The following SORCS2 variants were observed in gnomAD, a reference collection of about 807,000 sequenced individuals.
The protein encoded by SORCS2 is sortilin related VPS10 domain containing receptor 2.
A neutral mutation model predicts 141.6 loss-of-function variants in SORCS2; 100 were observed. The observed-to-expected ratio is 0.71, with a 90% CI of 0.60 to 0.83. The LOEUF (loss-of-function observed/expected upper bound fraction) is 0.83. SORCS2 is among the 40% of genes least tolerant of loss of function. The pLI is 0.00. For missense variants in SORCS2, 1,646 were observed against 1,560.2 expected, an observed-to-expected ratio of 1.05 and a Z score of -0.93; for synonymous variants, 789 against 676.9, an observed-to-expected ratio of 1.17 and a Z score of -2.57.
chr4:7,304,491 A>G, intron 1 of SORCS2, among the ~76,000 whole-genome samples: 1 of 152,220 alleles, frequency 6.6e-6, no homozygotes, highest in East Asian at 1.9e-4. Context: ...CCTCCCGTCC[A>G]TCCAGTGTGT....
rs1382499227 is a variant in SORCS2, at chr4:7,455,262, A to G, written c.548+58907A>G. ...GTCAGGCGCTGTGTTGGGGTCAGGC[A>G]CTGTGTGTTGGGGTCAGGTGCTGTG... On this transcript the variant is annotated intron_variant, in intron 2 of 26. Transcript: ENST00000507866. 8.6e-4 allele frequency among the ~76,000 whole-genome samples: 16 copies of G among 18,644 alleles called. 1 individual carries two copies. Among genetic ancestry groups the G allele is most frequent in the Middle Eastern group, 0.026 (1 of 38 alleles). 12.2% of individuals were successfully genotyped at this position (18,644 alleles called of 152,430 possible). A position where few individuals can be genotyped will look rare whatever the true frequency, so the allele number is the denominator to read the frequency against.
intron 3 of SORCS2, among the ~76,000 whole-genome samples, chr4:7,589,947 T>A (rs1716803461): frequency 6.6e-6 from 1 of 152,148 alleles, no homozygotes; most frequent in African/African-American, 2.4e-5. Flanking sequence ...GAGCTTTCCA[T>A]GTGACTGCCT....
intron 2 of SORCS2, among the ~76,000 whole-genome samples, chr4:7,474,901 C>T (rs1488146219): frequency 1.3e-5 from 2 of 152,200 alleles, no homozygotes; most frequent in South Asian, 4.1e-4. Context: ...TGTCCCACCT[C>T]CTGGTGGCCC....
At chr4:7,229,052 G>A (rs1467161034) in intron 1 of SORCS2, among the ~76,000 whole-genome samples, 2 of 152,194 alleles carry the variant, frequency 1.3e-5, no homozygotes, top group African/African-American at 4.8e-5. Flanking sequence ...AGGGGTCCCC[G>A]TGCACCCAGG....
chr4:7,650,141 T>C (rs1337801146), intron 4 of SORCS2, among the ~76,000 whole-genome samples: 4 of 152,166 alleles, frequency 2.6e-5, no homozygotes, highest in Non-Finnish European at 5.9e-5. Flanking sequence ...AGAAGTGCAT[T>C]CAAACCACAG....
intron 1 of SORCS2, among the ~76,000 whole-genome samples, chr4:7,278,719 A>C (rs972352917): frequency 2.6e-5 from 4 of 152,244 alleles, no homozygotes; most frequent in African/African-American, 7.2e-5. Context: ...GACATCCAGC[A>C]CAGAGAGCAG....
chr4:7,583,198 C>G (rs988554120), intron 3 of SORCS2, among the ~76,000 whole-genome samples: 5 of 152,142 alleles, frequency 3.3e-5, no homozygotes, highest in Non-Finnish European at 7.3e-5. Context: ...ATTTCAGGTG[C>G]CTTCTAGTGC....
chr4:7,727,434 C>G lies in SORCS2; in HGVS notation c.2869+531C>G, dbSNP rs972524135. 3.5e-4 allele frequency among the ~76,000 whole-genome samples: 53 copies of G among 152,212 alleles called. 1 individual carries two copies. The highest frequency in any genetic ancestry group is 2.5e-4 in the Non-Finnish European group (17 of 67,986). The stretch of plus-strand genomic sequence containing the variant: ...GTCCTAAGACTGAAGGAGACCCCCC[C>G]CCCCCTTGTCAAGGAGGCAGAGCTC... On this transcript the variant is annotated intron_variant, in intron 21 of 26. Transcript: ENST00000507866.
At chr4:7,632,294 C>A (rs1719943098) in intron 3 of SORCS2, among the ~76,000 whole-genome samples, 1 of 152,302 alleles carries the variant, frequency 6.6e-6, no homozygotes, top group African/African-American at 2.4e-5. Flanking sequence ...TTTCAAAAAA[C>A]CAGCCTCCTG....
chr4:7,653,734 C>T (rs1320723141), intron 4 of SORCS2, among the ~76,000 whole-genome samples: 1 of 152,198 alleles, frequency 6.6e-6, no homozygotes. Context: ...CTGCTCGAGG[C>T]CACTGCTGTG....
At chr4:7,355,932 G>C (rs972125983) in intron 1 of SORCS2, among the ~76,000 whole-genome samples, 2 of 152,222 alleles carry the variant, frequency 1.3e-5, no homozygotes, top group Non-Finnish European at 2.9e-5. Context: ...CTGGGATCCT[G>C]CAATGCTCCA....
At chr4:7,681,006 G>C (rs1208691716) in intron 9 of SORCS2, among the ~76,000 whole-genome samples, 2 of 152,254 alleles carry the variant, frequency 1.3e-5, no homozygotes, top group Non-Finnish European at 2.9e-5. Flanking sequence ...AGATGACTCA[G>C]ATGATAAGGT....
chr4:7,315,966 CATCT>C (rs1718522146), intron 1 of SORCS2, among the ~76,000 whole-genome samples: 1 of 152,140 alleles, frequency 6.6e-6, no homozygotes, highest in Non-Finnish European at 1.5e-5. Flanking sequence ...TCCATCTACC[CATCT>C]ATTTATCCAT....
intron 1 of SORCS2, among the ~76,000 whole-genome samples, chr4:7,299,130 A>G (rs920027515): frequency 2.6e-5 from 4 of 152,208 alleles, no homozygotes; most frequent in African/African-American, 7.2e-5. Context: ...AGTAGGAGGA[A>G]TTAGCGTGAG....
rs544752997 is a variant in SORCS2 at position 7,485,359 on chromosome 4, C to T, written c.549-46171C>T. Reference sequence around the variant, plus strand: ...GCCCCTGGGCCATCCCAGCCAAGGCCCCGGAGTTGCCTCCACAACTATCCC... The same window carrying T: ...GCCCCTGGGCCATCCCAGCCAAGGCTCCGGAGTTGCCTCCACAACTATCCC... On this transcript the variant is annotated intron_variant, in intron 2 of 26. Coordinates refer to ENST00000507866, the MANE Select transcript of SORCS2 (RefSeq NM_020777.3). Among the ~76,000 whole-genome samples the T allele has an allele frequency of 5.9e-5, 9 of 152,332 alleles. No individual in the cohort carries two copies. In the East Asian group the frequency reaches 9.7e-4, roughly 16 times the overall value.
chr4:7,307,826 G>A (rs1411545631), intron 1 of SORCS2, among the ~76,000 whole-genome samples: 2 of 151,726 alleles, frequency 1.3e-5, no homozygotes, highest in Admixed American at 6.6e-5. Flanking sequence ...GCATGCACAG[G>A]CCTGGTGTGT....
chr4:7,607,293 G>C (rs1236007840), intron 3 of SORCS2, among the ~76,000 whole-genome samples: 1 of 152,192 alleles, frequency 6.6e-6, no homozygotes, highest in East Asian at 1.9e-4. Context: ...ATCTGAGACA[G>C]ATGCTCCACG....
chr4:7,435,789 G>A (rs1727258155), intron 2 of SORCS2, among the ~76,000 whole-genome samples: 2 of 152,252 alleles, frequency 1.3e-5, no homozygotes, highest in Admixed American at 1.3e-4. Flanking sequence ...GGCGCCTTGC[G>A]TCGGGTCCTG....
rs149147779 is a variant in SORCS2, at chr4:7,463,213, G to A, written c.548+66858G>A. On this transcript the variant is annotated intron_variant, in intron 2 of 26. Coordinates refer to ENST00000507866, the MANE Select transcript of SORCS2 (RefSeq NM_020777.3). Reference sequence around the variant, plus strand: ...AGAAGCCTCCTGAATGAATGACTACGGGATTAAGAGGGGGCACTGCTGGAT... The same window carrying A: ...AGAAGCCTCCTGAATGAATGACTACAGGATTAAGAGGGGGCACTGCTGGAT... 2.3e-3 allele frequency among the ~76,000 whole-genome samples: 355 copies of A among 152,302 alleles called. 1 individual carries two copies. Among genetic ancestry groups the A allele is most frequent in the African/African-American group, 7.8e-3 (324 of 41,568 alleles).
Sources: allele counts gnomAD v4.1 joint callset (sites outside exome capture counted in the v4.1 genomes callset), GRCh38; gene constraint gnomAD v4.1.1; transcripts MANE v1.5; gene names NCBI Gene and HGNC (gene_info 2026-07-23, HGNC 2026-07-21).